GNAS: variants seen among roughly 807,000 people sequenced by gnomAD.
GNAS encodes the protein protein ALEX.
GNAS carries 8 observed loss-of-function variants against 54.5 expected under a neutral mutation model. That is an observed-to-expected ratio of 0.15 (90% CI 0.09 to 0.26). The LOEUF is 0.26. Ranked by LOEUF, GNAS falls within the 10% of genes least tolerant of loss-of-function variation. GNAS has a pLI of 1.00. For missense variants in GNAS, 170 were observed against 529.8 expected, an observed-to-expected ratio of 0.32 and a Z score of 6.67; for synonymous variants, 204 against 191.4, an observed-to-expected ratio of 1.07 and a Z score of -0.54.
At chr20:58,905,164 C>G (rs1389514119) in intron 5 of GNAS, among the ~76,000 whole-genome samples, 1 of 152,194 alleles carries the variant, frequency 6.6e-6, no homozygotes, top group African/African-American at 2.4e-5. Flanking sequence ...ACCAGTAATT[C>G]ACAATAAGAC....
At chr20:58,845,839 T>C (rs1311615128) in intron 1 of GNAS, among the ~76,000 whole-genome samples, 1 of 152,228 alleles carries the variant, frequency 6.6e-6, no homozygotes, top group Non-Finnish European at 1.5e-5. Flanking sequence ...CCATTACCTG[T>C]TGACAGTGCT....
In GNAS at chr20:58,873,265, G is replaced by A. The variant is rs77671362; in HGVS notation, c.44-22347G>A. The stretch of plus-strand genomic sequence containing the variant: ...GAATTGTCAGGGAGTTAGGGGTCAC[G>A]GTGGTTCTTCAGGAAGAAAGAAATG... On this transcript the variant is annotated intron_variant, in intron 1 of 12. Coordinates refer to the GNAS transcript ENST00000306090. The surrounding 1 kb of genome is among the most constrained non-coding windows in gnomAD (Gnocchi z 4.3). Among the ~76,000 whole-genome samples the A allele has an allele frequency of 3.3e-5, 5 of 152,232 alleles. No individual in the cohort carries two copies. The highest frequency in any genetic ancestry group is 1.9e-4 in the East Asian group (1 of 5,184).
At chr20:58,852,733 G>C in intron 1 of GNAS, 1 of 210,752 alleles carries the variant, frequency 4.7e-6, no homozygotes, top group Non-Finnish European at 9.6e-6. Context: ...AAATCAGTCA[G>C]GGAGAGGAGT....
intron 5 of GNAS, among the ~76,000 whole-genome samples, chr20:58,904,351 CATT>C (rs1214590755): frequency 6.6e-6 from 1 of 152,026 alleles, no homozygotes; most frequent in Non-Finnish European, 1.5e-5. Context: ...AATCTTTTCT[CATT>C]ATTAAAAAAA....
At chr20:58,907,546 G>T (rs973372527) in intron 6 of GNAS, among the ~76,000 whole-genome samples, 3 of 152,238 alleles carry the variant, frequency 2.0e-5, no homozygotes, top group Admixed American at 2.0e-4. Context: ...GGGGCAGGGA[G>T]ACCCAGTTTC....
chr20:58,903,460 T>C, intron 3 of GNAS, 71 bp from the exon 4 acceptor site: 2 of 1,234,978 alleles, frequency 1.6e-6, no homozygotes, highest in Non-Finnish European at 2.4e-6. Context: ...AGTCGGGATG[T>C]CTTTATGAAA....
rs555162326 is a variant in GNAS, at chr20:58,853,144, C to T, written c.43+12258C>T. On this transcript the variant is annotated intron_variant, in intron 1 of 12. Transcript: ENST00000306090. This position sits in a 1 kb window ranked among gnomAD's most constrained non-coding sequence, Gnocchi z 4.4. ...CCTCACAAGGGTTGGAAAGTGAGGC[C>T]GGTGAACTTTCCAGCTGGTACTTTG... is the stretch of plus-strand genomic sequence containing the variant. 1.0e-5 allele frequency: 15 copies of T among 1,434,218 alleles called. No homozygotes were observed. The highest frequency in any genetic ancestry group is 2.9e-5 in the Admixed American group (1 of 35,068). The allele number at this position is 1,434,218 out of a possible 1,614,324, so 88.8% of individuals were successfully genotyped here. A position where few individuals can be genotyped will look rare whatever the true frequency, so the allele number is the denominator to read the frequency against.
At position 58,910,296 on chromosome 20, in the gene GNAS, T is replaced by C; in HGVS notation, c.971-38T>C. The C allele has an allele frequency of 6.6e-7, 1 of 1,507,492 alleles. No homozygotes were observed. Among genetic ancestry groups the C allele is most frequent in the South Asian group, 1.1e-5 (1 of 88,946 alleles). The allele number at this position is 1,507,492 out of a possible 1,614,324, so 93.4% of individuals were successfully genotyped here. On this transcript the variant is annotated intron_variant, in intron 11 of 12. Coordinates refer to ENST00000371085, the MANE Select transcript of GNAS (RefSeq NM_000516.7). The surrounding 1 kb of genome is among the most constrained non-coding windows in gnomAD (Gnocchi z 5.8). ...TGCTAGCACCCCAGCTCTGCTTGAATTTTAAATTACATTAATATGTATTCC... is the reference window on the plus strand; with the variant it reads ...TGCTAGCACCCCAGCTCTGCTTGAACTTTAAATTACATTAATATGTATTCC...
intron 1 of GNAS, chr20:58,843,937 G>T (rs2085841604): frequency 6.6e-6 from 1 of 152,166 alleles, no homozygotes; most frequent in African/African-American, 2.4e-5. Flanking sequence ...TACAGTTTGG[G>T]ATTGTTTTGA....
chr20:58,856,782 GC>G lies in GNAS; in HGVS notation c.43+15898del, dbSNP rs1221766724. 1.3e-5 allele frequency: 2 copies of G among 151,888 alleles called. No homozygotes were observed. The highest frequency in any genetic ancestry group is 2.9e-5 in the Non-Finnish European group (2 of 67,968). The allele number at this position is 151,888 out of a possible 1,614,324, so 9.4% of individuals were successfully genotyped here. A position where few individuals can be genotyped will look rare whatever the true frequency, so the allele number is the denominator to read the frequency against. ...TTCTTGTCAGGAGGGTATTTTGGTG[GC>G]CTTCTACCTTCCCCCTCCTCCTCTG... On this transcript the variant is annotated intron_variant, in intron 1 of 12. Coordinates refer to the GNAS transcript ENST00000306090. This position sits in a 1 kb window ranked among gnomAD's most constrained non-coding sequence, Gnocchi z 4.2.
chr20:58,854,664 G>C, intron 1 of GNAS: 2 of 1,503,704 alleles, frequency 1.3e-6, no homozygotes, highest in Non-Finnish European at 1.8e-6. Context: ...CGATCCAGAT[G>C]CCGGGGCGGC....
chr20:58,878,210 G>A (rs2087960039), intron 1 of GNAS, among the ~76,000 whole-genome samples: 2 of 152,206 alleles, frequency 1.3e-5, no homozygotes, highest in South Asian at 4.1e-4. Context: ...TGTTAGAAGT[G>A]ATGTCACCCA....
upstream of GNAS, chr20:58,891,278 C>CCTCCTCCTCCTCCTTCCACCCCCCTCG (rs2089246657): frequency 6.8e-6 from 1 of 146,380 alleles, no homozygotes; most frequent in South Asian, 1.8e-4. Context: ...CGGCCCTCCT[C>CCTCCTCCTCCTCCTTCCACCCCCCTCG]CTCCTCCTCC....
At chr20:58,849,777 A>AC (rs2086082223) in intron 1 of GNAS, among the ~76,000 whole-genome samples, 1 of 151,968 alleles carries the variant, frequency 6.6e-6, no homozygotes, top group Non-Finnish European at 1.5e-5. Context: ...TGCTTCCTTC[A>AC]CCGTGCTAGG....
At chr20:58,868,968 G>T (rs1208673822) in intron 1 of GNAS, among the ~76,000 whole-genome samples, 1 of 152,150 alleles carries the variant, frequency 6.6e-6, no homozygotes, top group Non-Finnish European at 1.5e-5. Context: ...GGCAGAACCC[G>T]CATCCCCCTC....
At chr20:58,881,382 A>G (rs2088210198) in intron 1 of GNAS, among the ~76,000 whole-genome samples, 1 of 152,218 alleles carries the variant, frequency 6.6e-6, no homozygotes, top group East Asian at 1.9e-4. Flanking sequence ...CCATCTTGGC[A>G]GAAGACAGGG....
intron 1 of GNAS, chr20:58,895,273 T>A (rs2089938462): frequency 2.7e-6 from 1 of 369,468 alleles, no homozygotes; most frequent in Non-Finnish European, 5.2e-6. Flanking sequence ...TCAATTTTCT[T>A]GTTTACCCCA....
chr20:58,894,514 G>A (rs915488956), intron 1 of GNAS, among the ~76,000 whole-genome samples: 1 of 152,140 alleles, frequency 6.6e-6, no homozygotes, highest in Admixed American at 6.5e-5. Flanking sequence ...AAGTTAAAAA[G>A]AAAGAAAAAG....
At chr20:58,898,569 C>G in intron 2 of GNAS, 1 of 296,586 alleles carries the variant, frequency 3.4e-6, no homozygotes, top group Non-Finnish European at 6.4e-6. Flanking sequence ...GAATTAGGAG[C>G]CTTATGCGCT....
Sources: gnomAD v4.1 joint callset for allele counts (sites outside exome capture counted in the v4.1 genomes callset) on GRCh38, gnomAD v4.1.1 for gene constraint, Gnocchi (gnomAD v3.1) non-coding constraint, MANE v1.5 for transcripts, NCBI Gene and HGNC (gene_info 2026-07-23, HGNC 2026-07-21) for gene names.